The following USP14 variants were observed in gnomAD, a reference collection of about 807,000 sequenced individuals.
USP14 encodes ubiquitin carboxyl-terminal hydrolase 14.
A neutral mutation model predicts 76.5 loss-of-function variants in USP14; 38 were observed. The ratio of observed to expected loss-of-function variants is 0.50; its 90% CI spans 0.38 to 0.65. The LOEUF (loss-of-function observed/expected upper bound fraction) is 0.65, where lower values mean the gene tolerates loss of function less well. Among genes scored for constraint, USP14 ranks in the 30% least tolerant of loss-of-function variants. The pLI, the probability that USP14 is intolerant of heterozygous loss-of-function variation, is 0.00. For missense variants in USP14, 467 were observed against 586.5 expected, an observed-to-expected ratio of 0.80 and a Z score of 2.10; for synonymous variants, 192 against 191.7, an observed-to-expected ratio of 1.00 and a Z score of -0.01.
chr18:181,883 T>A (rs1016797162), intron 5 of USP14, among the ~76,000 whole-genome samples: 1 of 152,188 alleles, frequency 6.6e-6, no homozygotes, highest in African/African-American at 2.4e-5. Flanking sequence ...AGGCCTGTGG[T>A]TAATTTTTAT....
chr18:163,832 TA>T (rs1209783620), intron 2 of USP14, among the ~76,000 whole-genome samples: 4 of 150,302 alleles, frequency 2.7e-5, no homozygotes, highest in Non-Finnish European at 4.5e-5. Flanking sequence ...TTTTTTTTTT[TA>T]GATCCTCTTC....
intron 3 of USP14, among the ~76,000 whole-genome samples, chr18:171,025 A>AAAAATATATATATATAT (rs1327304974): frequency 5.5e-4 from 26 of 47,622 alleles, no homozygotes; most frequent in Non-Finnish European, 7.5e-4. Flanking sequence ...AAAAAAAAAA[A>AAAAATATATATATATAT]ATATATATAT....
intron 2 of USP14, among the ~76,000 whole-genome samples, chr18:165,213 C>T (rs1291473397): frequency 1.3e-5 from 2 of 152,178 alleles, no homozygotes; most frequent in Non-Finnish European, 2.9e-5. Flanking sequence ...TCCCAAAGTG[C>T]TGGGATTACA....
chr18:180,172 T>C, intron 4 of USP14, 64 bp from the exon 5 acceptor site: 4 of 836,446 alleles, frequency 4.8e-6, no homozygotes, highest in Non-Finnish European at 7.3e-6. Flanking sequence ...GATTTATATA[T>C]GCCATGTCAT....
chr18:203,222 T>G, intron 12 of USP14, 32 bp downstream of exon 12: 1 of 1,570,324 alleles, frequency 6.4e-7, no homozygotes, highest in Non-Finnish European at 8.7e-7. Flanking sequence ...GTATAAGAAA[T>G]GTAATTCTTT....
In USP14 at chr18:204,608, A is replaced by G. The variant is rs774021914; in HGVS notation, c.1080A>G (p.Thr360=). 3.7e-5 allele frequency: 59 copies of G among 1,613,286 alleles called. No homozygotes were observed. The highest frequency in any genetic ancestry group is 4.9e-5 in the Non-Finnish European group (58 of 1,179,700). ...PLMLDMYELC[T]PELQEKMVSF... ...TGTTGGATATGTATGAACTGTGTAC[A>G]CCAGAACTTCAAGAGAAAATGGTGT... Residue 360 remains threonine, a synonymous_variant, in exon 13 of 16, where the codon ACA becomes ACG. Coordinates refer to ENST00000261601, the MANE Select transcript of USP14 (RefSeq NM_005151.4).
At chr18:211,020 G>T (rs960264919) in intron 15 of USP14, 113 bp from the exon 16 acceptor site, 12 of 1,084,934 alleles carry the variant, frequency 1.1e-5, no homozygotes, top group African/African-American at 4.7e-5. Context: ...AGGACTGTTG[G>T]TGTGGCCAGT....
Position 213,036 on chromosome 18 carries a change from G to C in USP14, c.*1752G>C, listed in dbSNP as rs1200325500. 1 of 152,326 alleles carries C rather than the reference G, an allele frequency of 6.6e-6. No homozygotes were observed. Among genetic ancestry groups the C allele is most frequent in the East Asian group, 1.9e-4 (1 of 5,184 alleles). The allele number at this position is 152,326 out of a possible 1,614,324, so 9.4% of individuals were successfully genotyped here. A position where few individuals can be genotyped will look rare whatever the true frequency, so the allele number is the denominator to read the frequency against. On this transcript the variant is annotated 3_prime_UTR_variant, in exon 16 of 16. Transcript: ENST00000261601. ...TAAATAGCTTCCTCACCTAAACTTT[G>C]ACTTGGCAATCAATACTTTCTACTT...
intron 1 of USP14, among the ~76,000 whole-genome samples, chr18:161,591 A>C (rs1909120536): frequency 6.6e-6 from 1 of 152,054 alleles, no homozygotes; most frequent in African/African-American, 2.4e-5. Flanking sequence ...ATTAGGCTGT[A>C]AGTTTATGGA....
Position 211,799 on chromosome 18 carries a change from A to G in USP14, c.*515A>G, listed in dbSNP as rs1910676457. ...TCAGTGCTGCTGTCCATCCCATGGA[A>G]ACATGGGCACAATCAAGTATTTGTC... is the stretch of plus-strand genomic sequence containing the variant. On this transcript the variant is annotated 3_prime_UTR_variant, in exon 16 of 16. Transcript: ENST00000261601. The G allele has an allele frequency of 6.5e-6, 1 of 152,722 alleles. No homozygotes were observed. Among genetic ancestry groups the G allele is most frequent in the African/African-American group, 2.4e-5 (1 of 41,458 alleles). 9.5% of individuals were successfully genotyped at this position (152,722 alleles called of 1,614,324 possible). A position where few individuals can be genotyped will look rare whatever the true frequency, so the allele number is the denominator to read the frequency against.
intron 3 of USP14, among the ~76,000 whole-genome samples, chr18:167,478 A>G (rs1485093919): frequency 6.6e-6 from 1 of 151,926 alleles, no homozygotes. Flanking sequence ...CTCTTAGCAG[A>G]GTTGTAGTTT....
At chr18:178,565 A>G (rs1007512569) in intron 3 of USP14, among the ~76,000 whole-genome samples, 1 of 152,176 alleles carries the variant, frequency 6.6e-6, no homozygotes, top group Non-Finnish European at 1.5e-5. Context: ...ATCACGATTT[A>G]GAAGTTTCAT....
chr18:214,388 T>C lies in USP14; in HGVS notation c.*3104T>C. On this transcript the variant is annotated 3_prime_UTR_variant, in exon 16 of 16. Coordinates refer to ENST00000261601, the MANE Select transcript of USP14 (RefSeq NM_005151.4). ...TAACTTCATTATAAATACATCTACTTAACAAAAAAATATATTTTGTGATCT... is the reference window on the plus strand; with the variant it reads ...TAACTTCATTATAAATACATCTACTCAACAAAAAAATATATTTTGTGATCT... 1 of 426,062 alleles carries C rather than the reference T, an allele frequency of 2.3e-6. No individual in the cohort carries two copies. The highest frequency in any genetic ancestry group is 4.2e-6 in the Non-Finnish European group (1 of 240,204). 26.4% of individuals were successfully genotyped at this position (426,062 alleles called of 1,614,324 possible).
chr18:163,201 AATG>A, intron 1 of USP14, 104 bp from the exon 2 acceptor site: 1 of 1,009,022 alleles, frequency 9.9e-7, no homozygotes, highest in East Asian at 2.7e-5. Flanking sequence ...TAGAAAGATG[AATG>A]ACATGTTTTG....
intron 10 of USP14, among the ~76,000 whole-genome samples, chr18:201,856 C>T (rs2143081384): frequency 6.6e-6 from 1 of 152,224 alleles, no homozygotes; most frequent in East Asian, 1.9e-4. Context: ...AACCTGTATT[C>T]CTAGAATGTA....
At chr18:170,245 A>G (rs1244422435) in intron 3 of USP14, among the ~76,000 whole-genome samples, 4 of 152,150 alleles carry the variant, frequency 2.6e-5, no homozygotes, top group African/African-American at 4.8e-5. Flanking sequence ...TGGAGGTTGC[A>G]GTGAGCTGAG....
chr18:176,635 T>C (rs1329255627), intron 3 of USP14, among the ~76,000 whole-genome samples: 1 of 152,164 alleles, frequency 6.6e-6, no homozygotes, highest in Non-Finnish European at 1.5e-5. Flanking sequence ...TGTTTTCAAA[T>C]GTTTTATAGA....
At chr18:201,129 T>G (rs1274158949) in intron 10 of USP14, among the ~76,000 whole-genome samples, 1 of 152,188 alleles carries the variant, frequency 6.6e-6, no homozygotes, top group Non-Finnish European at 1.5e-5. Context: ...AGTTAGCTTC[T>G]TCCTAAACAC....
intron 13 of USP14, among the ~76,000 whole-genome samples, chr18:205,816 C>A (rs1421208869): frequency 6.6e-6 from 1 of 152,122 alleles, no homozygotes; most frequent in African/African-American, 2.4e-5. Context: ...AAAAACTCTT[C>A]CACTTTTTAA....
Sources: allele counts gnomAD v4.1 joint callset (sites outside exome capture counted in the v4.1 genomes callset), GRCh38; gene constraint gnomAD v4.1.1; transcripts MANE v1.5; gene names NCBI Gene and HGNC (gene_info 2026-07-23, HGNC 2026-07-21).